Variants in RP1L1 observed in about 807,000 individuals in gnomAD.
RP1L1 encodes the protein RP1 like 1, also known as retinitis pigmentosa 1-like 1 protein.
A neutral mutation model predicts 15.7 loss-of-function variants in RP1L1; 27 were observed. That is an observed-to-expected ratio of 1.72 (90% CI 1.27 to 2.38). The LOEUF (loss-of-function observed/expected upper bound fraction) is 2.38. RP1L1 is among the 30% of genes most tolerant of loss of function. The pLI is 0.00. For missense variants in RP1L1, 4,798 were observed against 3,075.9 expected (o/e 1.56, Z -13.24); for synonymous variants, 1,813 against 1,276.7 (o/e 1.42, Z -8.96).
Position 10,609,622 on chromosome 8 carries a change from C to T in RP1L1, c.4476G>A (p.Gln1492=). The T allele has an allele frequency of 6.2e-7, 1 of 1,607,576 alleles. No homozygotes were observed. The highest frequency in any genetic ancestry group is 8.5e-7 in the Non-Finnish European group (1 of 1,179,944). The stretch of plus-strand genomic sequence containing the variant: ...CTGCAGCCCCCTGGGTGGGTTGGGC[C>T]TGCGTGTGCTCTTGGCCCATCATGG... ...GATMMGQEHT[Q]AQPTQGAAER... is the part of the protein sequence containing the mutation. The change falls in exon 4 of 4, where the codon CAG becomes CAA. Residue 1492 remains glutamine (Q), a synonymous_variant. Coordinates refer to ENST00000382483, the MANE Select transcript of RP1L1 (RefSeq NM_178857.6).
intron 1 of RP1L1, among the ~76,000 whole-genome samples, chr8:10,647,182 G>C (rs1456154993): frequency 6.6e-6 from 1 of 152,228 alleles, no homozygotes; most frequent in East Asian, 1.9e-4. Context: ...GCCTGCTCCA[G>C]GGCCTCCCTA....
rs1171990099 is a variant in RP1L1 at position 10,612,308 on chromosome 8, C to T, written c.1790G>A (p.Gly597Asp). Residue 597 changes from glycine to aspartate, a missense_variant, in exon 4 of 4, where the codon GGC becomes GAC. Coordinates refer to ENST00000382483, the MANE Select transcript of RP1L1 (RefSeq NM_178857.6). ...DDLQAETQGQ[G>D]TEQATGAAVT... ...AGCCGCTCCCGTGGCCTGCTCGGTG[C>T]CCTGTCCTTGCGTCTCTGCCTGCAG... is the stretch of plus-strand genomic sequence containing the variant. 1 of 1,613,048 alleles carries T rather than the reference C, an allele frequency of 6.2e-7. No individual in the cohort carries two copies. The highest frequency in any genetic ancestry group is 1.3e-5 in the African/African-American group (1 of 74,934).
At chr8:10,624,243 C>G (rs576867310) in intron 1 of RP1L1, among the ~76,000 whole-genome samples, 11 of 152,232 alleles carry the variant, frequency 7.2e-5, no homozygotes, top group African/African-American at 2.7e-4. Context: ...TTGCATCAGG[C>G]TCTGGGTGGC....
rs13268014 is a variant in RP1L1, at chr8:10,623,649, T to C, written c.-19-429A>G. Among the ~76,000 whole-genome samples, 14 of 148,028 alleles carry C rather than the reference T, an allele frequency of 9.5e-5. No individual in the cohort carries two copies. The East Asian group carries it at 2.5e-3, about 26-fold the overall frequency. On this transcript the variant is annotated intron_variant, in intron 1 of 3. Coordinates refer to ENST00000382483, the MANE Select transcript of RP1L1 (RefSeq NM_178857.6). ...CCCCAGAGTCATCATGTCCCCAGCA[T>C]TGCCATGTCCCCAGCAAAGCCACAT... is the stretch of plus-strand genomic sequence containing the variant.
At position 10,610,325 on chromosome 8, in the gene RP1L1, A is replaced by C. The variant is rs533807084; in HGVS notation, c.3773T>G (p.Phe1258Cys). Residue 1258 changes from phenylalanine (F) to cysteine (C), a missense_variant, in exon 4 of 4, where the codon TTC becomes TGC. Phe to Cys is a radical substitution (Grantham distance 205, BLOSUM62 -2). Transcript: ENST00000382483. ...GDLENQQQCC[F>C]PTFLNARACA... ...GGCTCGGGCGTTCAAGAAGGTTGGG[A>C]AACAACACTGCTGTTGGTTTTCCAG... 2 of 1,614,152 alleles carry C rather than the reference A, an allele frequency of 1.2e-6. No individual in the cohort carries two copies. The highest frequency in any genetic ancestry group is 1.7e-6 in the Non-Finnish European group (2 of 1,180,040).
chr8:10,615,302 G>A (rs189628980), intron 3 of RP1L1, among the ~76,000 whole-genome samples: 1 of 152,200 alleles, frequency 6.6e-6, no homozygotes, highest in Admixed American at 6.5e-5. Context: ...TTTGTTAATT[G>A]TGCTTTTAAA....
Position 10,612,000 on chromosome 8 carries a change from A to T in RP1L1, c.2098T>A (p.Ser700Thr). 2 of 1,613,806 alleles carry T rather than the reference A, an allele frequency of 1.2e-6. No homozygotes were observed. The highest frequency in any genetic ancestry group is 1.7e-6 in the Non-Finnish European group (2 of 1,179,966). The change falls in exon 4 of 4, where the codon TCA (serine) becomes ACA (threonine). Residue 700 changes from serine to threonine, a missense_variant. Coordinates refer to ENST00000382483, the MANE Select transcript of RP1L1 (RefSeq NM_178857.6). ...PERRRACQDGSVPRYSGSSSS... is the reference protein window; with the variant it reads ...PERRRACQDGTVPRYSGSSSS... Reference sequence around the variant, plus strand: ...GAGCTTCCAGAATATCGTGGCACTGAGCCATCCTGGCAGGCCCTTCGCCGC... The same window carrying T: ...GAGCTTCCAGAATATCGTGGCACTGTGCCATCCTGGCAGGCCCTTCGCCGC...
At chr8:10,638,707 C>T (rs1378765823) in intron 1 of RP1L1, among the ~76,000 whole-genome samples, 2 of 152,132 alleles carry the variant, frequency 1.3e-5, no homozygotes. Context: ...AAAGAGTTAA[C>T]GTAGCTGGGA....
intron 1 of RP1L1, among the ~76,000 whole-genome samples, chr8:10,637,713 C>T (rs1798350157): frequency 6.6e-6 from 1 of 152,204 alleles, no homozygotes; most frequent in African/African-American, 2.4e-5. Context: ...GTTAACGTAG[C>T]TGATATCTGT....
chr8:10,617,486 A>ATCTT (rs1256618057), intron 2 of RP1L1, among the ~76,000 whole-genome samples: 1 of 144,504 alleles, frequency 6.9e-6, no homozygotes, highest in Non-Finnish European at 1.5e-5. Context: ...TGTGCACCAG[A>ATCTT]TCTTTCAGCC....
chr8:10,612,960 C>G lies in RP1L1; in HGVS notation c.1138G>C (p.Gly380Arg), dbSNP rs184332984. 1.2e-6 allele frequency: 2 copies of G among 1,613,162 alleles called. No homozygotes were observed. Among genetic ancestry groups the G allele is most frequent in the Non-Finnish European group, 1.7e-6 (2 of 1,179,940 alleles). The change falls in exon 4 of 4, where the codon GGG (glycine) becomes CGG (arginine). Residue 380 changes from glycine to arginine, a missense_variant. Transcript: ENST00000382483. ...CTGCAGGGCCGGGGTCCCCACACCC[C>G]AGGCTCTGAGAAGCCCCAAGGGTAG... Reference protein sequence around the residue: ...EGYPWGFSEPGVWGPRPCRVG... With the variant: ...EGYPWGFSEPRVWGPRPCRVG...
chr8:10,652,920 G>A (rs1798583670), intron 1 of RP1L1, among the ~76,000 whole-genome samples: 1 of 152,124 alleles, frequency 6.6e-6, no homozygotes, highest in African/African-American at 2.4e-5. Context: ...CATTAATGTT[G>A]GAGGAAGGCT....
rs374612639 is a variant in RP1L1, at chr8:10,610,795, G to A, written c.3303C>T (p.Pro1101=). 3.5e-5 allele frequency: 56 copies of A among 1,611,244 alleles called. No homozygotes were observed. The highest frequency in any genetic ancestry group is 1.1e-4 in the East Asian group (5 of 44,816). The change falls in exon 4 of 4, where the codon CCC becomes CCT. Residue 1101 remains proline, a synonymous_variant. Coordinates refer to ENST00000382483, the MANE Select transcript of RP1L1 (RefSeq NM_178857.6). ...GSKQGRPSSV[P]EVSRPMARRL... is the part of the protein sequence containing the mutation. ...TCCTGGCCATGGGCCTAGACACTTC[G>A]GGCACGCTGCTGGGCCGGCCCTGCT... is the stretch of plus-strand genomic sequence containing the variant.
Position 10,610,225 on chromosome 8 carries a change from C to A in RP1L1, c.3873G>T (p.Gln1291His). The A allele has an allele frequency of 6.3e-7, 1 of 1,593,652 alleles. No individual in the cohort carries two copies. The highest frequency in any genetic ancestry group is 8.5e-7 in the Non-Finnish European group (1 of 1,169,898). Residue 1291 changes from glutamine (Q) to histidine (H), a missense_variant, in exon 4 of 4, where the codon CAG becomes CAT. By Grantham distance (24) the Gln-to-His change is conservative. Coordinates refer to ENST00000382483, the MANE Select transcript of RP1L1 (RefSeq NM_178857.6). ...CTTCTTGCACTGTGTTTTCAGCTAA[C>A]TGCTCCAGGTTCGAGCTCGCCCTCT... The part of the protein sequence containing the change: ...EEQRASSNLE[Q>H]LAENTVQEEV...
chr8:10,643,132 T>A (rs916218334), intron 1 of RP1L1, among the ~76,000 whole-genome samples: 2 of 151,544 alleles, frequency 1.3e-5, no homozygotes, highest in Non-Finnish European at 2.9e-5. Flanking sequence ...ATCCCAGGAG[T>A]TCAAGACCAG....
rs113097150 is a variant in RP1L1, at chr8:10,606,517, G to A, written c.*378C>T. ...AGAAAAGTAACAGGAGATCAACAGG[G>A]AAAAGACAGAGAGCAACACTTGCTA... On this transcript the variant is annotated 3_prime_UTR_variant, in exon 4 of 4. Transcript: ENST00000382483. 26 of 240,398 alleles carry A rather than the reference G, an allele frequency of 1.1e-4. No homozygotes were observed. Among genetic ancestry groups the A allele is most frequent in the Admixed American group, 3.1e-4 (6 of 19,446 alleles). 14.9% of individuals were successfully genotyped at this position (240,398 alleles called of 1,614,324 possible).
chr8:10,628,236 G>C (rs1212631098), intron 1 of RP1L1, among the ~76,000 whole-genome samples: 1 of 152,214 alleles, frequency 6.6e-6, no homozygotes, highest in South Asian at 2.1e-4. Context: ...CTAGGAGTTT[G>C]TAGGAAAAGT....
In RP1L1 at chr8:10,612,888, TG is replaced by T; in HGVS notation, c.1209del (p.Lys404SerfsTer86). ...AGGGGATTCGTCCAGATTTCATACTTGGGCCCTGGCTGCCCGCCTCGGCCAA... is the reference window on the plus strand; with the variant it reads ...AGGGGATTCGTCCAGATTTCATACTTGGCCCTGGCTGCCCGCCTCGGCCAA... ...EVFGRGGQPG[P>X]KYEIWTNPLH... On this transcript the variant is annotated frameshift_variant, in exon 4 of 4. Transcript: ENST00000382483. LOFTEE classifies it low-confidence loss of function (END_TRUNC). 6.2e-7 allele frequency: 1 copy of T among 1,612,948 alleles called. No individual in the cohort carries two copies. Among genetic ancestry groups the T allele is most frequent in the Non-Finnish European group, 8.5e-7 (1 of 1,179,898 alleles).
intron 2 of RP1L1, among the ~76,000 whole-genome samples, chr8:10,619,504 T>C (rs1361268598): frequency 6.6e-6 from 1 of 152,176 alleles, no homozygotes; most frequent in Non-Finnish European, 1.5e-5. Flanking sequence ...CCTCATTTCC[T>C]AGACATCCCT....
Sources: gnomAD v4.1 joint callset for allele counts (sites outside exome capture counted in the v4.1 genomes callset) on GRCh38, gnomAD v4.1.1 for gene constraint, MANE v1.5 for transcripts, NCBI Gene and HGNC (gene_info 2026-07-23, HGNC 2026-07-21) for gene names.